Variants in YWHAG observed in about 807,000 individuals in gnomAD.
The protein encoded by YWHAG is 14-3-3 protein gamma.
YWHAG carries 1 observed loss-of-function variant against 23.3 expected under a neutral mutation model. That is an observed-to-expected ratio of 0.04 (90% CI 0.02 to 0.20). The LOEUF (loss-of-function observed/expected upper bound fraction) is 0.20. Ranked by LOEUF, YWHAG falls within the 10% of genes least tolerant of loss-of-function variation. The probability of loss-of-function intolerance (pLI) is 1.00; values close to 1 mark genes in which losing one functional copy is unlikely to be tolerated. For synonymous variants in YWHAG, 160 were observed against 144.0 expected (o/e 1.11, Z -0.80); for missense variants, 151 against 338.6 (o/e 0.45, Z 4.35).
rs781716537 is a variant in YWHAG, at chr7:76,329,601, G to A, written c.720C>T (p.Asp240=). The A allele has an allele frequency of 9.9e-6, 16 of 1,610,430 alleles. No individual in the cohort carries two copies. The highest frequency in any genetic ancestry group is 1.1e-5 in the Non-Finnish European group (13 of 1,176,992). Residue 240 remains aspartate, a synonymous_variant, in exon 2 of 2, where the codon GAC becomes GAT. Transcript: ENST00000307630. The surrounding 1 kb of genome is among the most constrained non-coding windows in gnomAD (Gnocchi z 6.1). ...LTLWTSDQQD[D]DGGEGNN ...CTTAATTGTTGCCTTCGCCGCCATC[G>A]TCGTCCTGCTGGTCGCTCGTCCAGA... is the stretch of plus-strand genomic sequence containing the variant.
rs1803470243 is a variant in YWHAG, at chr7:76,327,720, A to T, written c.*1857T>A. Reference sequence around the variant, plus strand: ...GTCTTCCTCCCATGGCAATGACTTTAGGCGCCTGTGAGAGGCACAAAAGCG... The same window carrying T: ...GTCTTCCTCCCATGGCAATGACTTTTGGCGCCTGTGAGAGGCACAAAAGCG... On this transcript the variant is annotated 3_prime_UTR_variant, in exon 2 of 2. Coordinates refer to ENST00000307630, the MANE Select transcript of YWHAG (RefSeq NM_012479.4). 1 of 110,108 alleles carries T rather than the reference A, an allele frequency of 9.1e-6. No individual in the cohort carries two copies. Among genetic ancestry groups the T allele is most frequent in the African/African-American group, 3.6e-5 (1 of 28,060 alleles). The allele number at this position is 110,108 out of a possible 1,614,324, so 6.8% of individuals were successfully genotyped here.
chr7:76,347,824 G>A (rs1289482934), intron 1 of YWHAG, among the ~76,000 whole-genome samples: 1 of 152,010 alleles, frequency 6.6e-6, no homozygotes, highest in Non-Finnish European at 1.5e-5. Context: ...GCTTCCATTC[G>A]GTTCTGAGTG....
intron 1 of YWHAG, among the ~76,000 whole-genome samples, chr7:76,340,129 AAAC>A (rs1473789988): frequency 6.6e-6 from 1 of 152,026 alleles, no homozygotes; most frequent in Non-Finnish European, 1.5e-5. Context: ...CACAAACAAA[AAAC>A]AAACAAAAAG....
chr7:76,327,667 T>TCC lies in YWHAG; in HGVS notation c.*1909_*1910insGG, dbSNP rs1583980148. 1 of 7,308 alleles carries TCC rather than the reference T, an allele frequency of 1.4e-4. No homozygotes were observed. 0.5% of individuals were successfully genotyped at this position (7,308 alleles called of 1,614,324 possible). A position where few individuals can be genotyped will look rare whatever the true frequency, so the allele number is the denominator to read the frequency against. On this transcript the variant is annotated 3_prime_UTR_variant, in exon 2 of 2. Transcript: ENST00000307630. ...AAATTAGGGAAAGCCCCACCTACCCTGCCCCCCCCCCCCTCCCCCCCCAAA... is the reference window on the plus strand; with the variant it reads ...AAATTAGGGAAAGCCCCACCTACCCTCCGCCCCCCCCCCCCTCCCCCCCCAAA...
chr7:76,343,191 G>A (rs752297663), intron 1 of YWHAG, among the ~76,000 whole-genome samples: 7 of 150,430 alleles, frequency 4.7e-5, no homozygotes, highest in Non-Finnish European at 8.8e-5. Flanking sequence ...ATGGTGTACT[G>A]CAGCCGTTTT....
intron 1 of YWHAG, among the ~76,000 whole-genome samples, chr7:76,344,142 G>A (rs942459811): frequency 1.3e-5 from 2 of 151,882 alleles, no homozygotes; most frequent in Non-Finnish European, 1.5e-5. Flanking sequence ...ACAGAGTCTC[G>A]CTCTGTTGCC....
At chr7:76,345,185 CTT>C (rs944242945) in intron 1 of YWHAG, among the ~76,000 whole-genome samples, 40 of 132,118 alleles carry the variant, frequency 3.0e-4, no homozygotes, top group Admixed American at 3.9e-4. Flanking sequence ...TATCCTAAGG[CTT>C]TTTTTTTTTT....
intron 1 of YWHAG, among the ~76,000 whole-genome samples, chr7:76,338,784 T>C (rs1224677980): frequency 6.6e-6 from 1 of 152,220 alleles, no homozygotes; most frequent in African/African-American, 2.4e-5. Flanking sequence ...CTGATCACAA[T>C]GCCAAGGCTT....
intron 1 of YWHAG, among the ~76,000 whole-genome samples, chr7:76,355,085 C>T (rs369971110): frequency 2.6e-5 from 4 of 152,156 alleles, no homozygotes; most frequent in South Asian, 2.1e-4. Context: ...TAGTCCAGAC[C>T]GGCATCACTT....
chr7:76,349,234 C>T (rs1024383731), intron 1 of YWHAG, among the ~76,000 whole-genome samples: 2 of 149,532 alleles, frequency 1.3e-5, no homozygotes, highest in South Asian at 2.1e-4. Flanking sequence ...CCCAGCTACT[C>T]GGGAGGCTGA....
Position 76,329,417 on chromosome 7 carries a change from C to T in YWHAG, c.*160G>A. On this transcript the variant is annotated 3_prime_UTR_variant, in exon 2 of 2. Transcript: ENST00000307630. This position sits in a 1 kb window ranked among gnomAD's most constrained non-coding sequence, Gnocchi z 6.1. ...TGACTTTCCACTAGTGGTATTTTGGCAAAAATGTCAAAGAGGCGATCAAAG... is the reference window on the plus strand; with the variant it reads ...TGACTTTCCACTAGTGGTATTTTGGTAAAAATGTCAAAGAGGCGATCAAAG... 11 of 992,064 alleles carry T rather than the reference C, an allele frequency of 1.1e-5. No homozygotes were observed. Among genetic ancestry groups the T allele is most frequent in the Non-Finnish European group, 1.6e-5 (11 of 697,050 alleles). The allele number at this position is 992,064 out of a possible 1,614,324, so 61.5% of individuals were successfully genotyped here.
At chr7:76,357,381 G>A (rs1803976698) in intron 1 of YWHAG, among the ~76,000 whole-genome samples, 1 of 152,218 alleles carries the variant, frequency 6.6e-6, no homozygotes, top group Non-Finnish European at 1.5e-5. Context: ...TCACAATGGA[G>A]ATGAATTTGA....
At chr7:76,353,636 T>C (rs1803906169) in intron 1 of YWHAG, among the ~76,000 whole-genome samples, 1 of 152,178 alleles carries the variant, frequency 6.6e-6, no homozygotes, top group Admixed American at 6.5e-5. Context: ...AAATAATATG[T>C]TTTGGTAGTT....
Position 76,330,117 on chromosome 7 carries a change from C to T in YWHAG, c.204G>A (p.Gln68=), listed in dbSNP as rs762316167. Reference sequence around the variant, plus strand: ...TCTCATTGCCGTCTGCAGATGTCTTCTGCTCAATGCTACTGATGACCCTCC... The same window carrying T: ...TCTCATTGCCGTCTGCAGATGTCTTTTGCTCAATGCTACTGATGACCCTCC... ...SSWRVISSIE[Q]KTSADGNEKK... is the part of the protein sequence containing the mutation. The change falls in exon 2 of 2, where the codon CAG becomes CAA. Residue 68 remains glutamine (Q), a synonymous_variant. Coordinates refer to ENST00000307630, the MANE Select transcript of YWHAG (RefSeq NM_012479.4). The T allele has an allele frequency of 6.2e-6, 10 of 1,614,026 alleles. No individual in the cohort carries two copies. The highest frequency in any genetic ancestry group is 5.0e-5 in the Admixed American group (3 of 60,004).
At chr7:76,356,594 T>C (rs1354849757) in intron 1 of YWHAG, among the ~76,000 whole-genome samples, 2 of 152,246 alleles carry the variant, frequency 1.3e-5, no homozygotes, top group African/African-American at 4.8e-5. Context: ...ACATCCCATC[T>C]GTGCACTAGT....
intron 1 of YWHAG, among the ~76,000 whole-genome samples, chr7:76,332,682 G>A (rs1024842292): frequency 2.0e-5 from 3 of 151,338 alleles, no homozygotes; most frequent in African/African-American, 7.3e-5. Flanking sequence ...CACCATGCAT[G>A]GCTGATTTCT....
chr7:76,345,805 C>T (rs912053900), intron 1 of YWHAG, among the ~76,000 whole-genome samples: 33 of 151,802 alleles, frequency 2.2e-4, no homozygotes, highest in Non-Finnish European at 4.1e-4. Context: ...CATGGTGGCA[C>T]GAGCCTGTAA....
chr7:76,348,560 C>G (rs949937634), intron 1 of YWHAG, among the ~76,000 whole-genome samples: 1 of 151,896 alleles, frequency 6.6e-6, no homozygotes, highest in African/African-American at 2.4e-5. Flanking sequence ...ACCGCCACCA[C>G]GCCCGACTAA....
At chr7:76,330,582 C>T (rs545409721) in intron 1 of YWHAG, among the ~76,000 whole-genome samples, 2 of 152,288 alleles carry the variant, frequency 1.3e-5, no homozygotes, top group South Asian at 4.1e-4. Flanking sequence ...CTGACAAATT[C>T]CTCCTAATCC....
Sources: gnomAD v4.1 joint callset for allele counts (sites outside exome capture counted in the v4.1 genomes callset) on GRCh38, gnomAD v4.1.1 for gene constraint, Gnocchi (gnomAD v3.1) non-coding constraint, MANE v1.5 for transcripts, NCBI Gene and HGNC (gene_info 2026-07-23, HGNC 2026-07-21) for gene names.